CIZ1: variants seen among roughly 807,000 people sequenced by gnomAD.
CIZ1 encodes the protein cip1-interacting zinc finger protein.
A neutral mutation model predicts 118.6 loss-of-function variants in CIZ1; 58 were observed. The ratio of observed to expected loss-of-function variants is 0.49; its 90% CI spans 0.40 to 0.61. CIZ1 has a LOEUF of 0.61. Among genes scored for constraint, CIZ1 ranks in the 20% least tolerant of loss-of-function variants. The probability of loss-of-function intolerance (pLI) is 0.00; values close to 1 mark genes in which losing one functional copy is unlikely to be tolerated. For synonymous variants in CIZ1, 448 were observed against 443.4 expected (o/e 1.01, Z -0.13); for missense variants, 921 against 1,115.9 (o/e 0.83, Z 2.49).
At chr9:128,192,800 C>T (rs1833251803), upstream of CIZ1, among the ~76,000 whole-genome samples, 2 of 152,380 alleles carry the variant, frequency 1.3e-5, no homozygotes, top group South Asian at 4.1e-4. Flanking sequence ...GCCTTGGCCT[C>T]CCAAAGTGCT....
rs901423796 is a variant in CIZ1, at chr9:128,203,952, C to T, written c.-6+234G>A. The T allele has an allele frequency of 1.7e-5, 3 of 178,754 alleles. No homozygotes were observed. Among genetic ancestry groups the T allele is most frequent in the Non-Finnish European group, 3.5e-5 (3 of 86,220 alleles). 11.1% of individuals were successfully genotyped at this position (178,754 alleles called of 1,614,324 possible). On this transcript the variant is annotated intron_variant, in intron 1 of 17. Coordinates refer to the CIZ1 transcript ENST00000372948. This position sits in a 1 kb window ranked among gnomAD's most constrained non-coding sequence, Gnocchi z 5.3. ...AGCTGCCCCCCGCCCCCAACATGGG[C>T]ATGGAGAGAGCCCGCATTACTCAGC...
chr9:128,194,234 C>T (rs772850367), upstream of CIZ1, among the ~76,000 whole-genome samples: 16 of 151,502 alleles, frequency 1.1e-4, no homozygotes, highest in South Asian at 2.1e-4. Flanking sequence ...TGGTGGCAGA[C>T]GCCTGTCATC....
chr9:128,186,265 C>T (rs1832359241), intron 4 of CIZ1, among the ~76,000 whole-genome samples: 1 of 152,104 alleles, frequency 6.6e-6, no homozygotes, highest in Non-Finnish European at 1.5e-5. Flanking sequence ...GGTGTTATCT[C>T]TACCGATGAC....
At chr9:128,186,646 AT>A (rs1475243377) in intron 4 of CIZ1, among the ~76,000 whole-genome samples, 27 of 152,136 alleles carry the variant, frequency 1.8e-4, no homozygotes, top group Non-Finnish European at 1.5e-5. Flanking sequence ...AGCAAAGGCC[AT>A]TCCTCACTGC....
chr9:128,188,162 T>C (rs1164018775), intron 3 of CIZ1, among the ~76,000 whole-genome samples: 1 of 113,326 alleles, frequency 8.8e-6, no homozygotes, highest in Non-Finnish European at 1.9e-5. Context: ...AAGGTTTAGA[T>C]AAACAAAGGC....
At chr9:128,190,008 G>A (rs1832931856) in intron 3 of CIZ1, among the ~76,000 whole-genome samples, 1 of 152,144 alleles carries the variant, frequency 6.6e-6, no homozygotes, top group Non-Finnish European at 1.5e-5. Flanking sequence ...AGCCACTGCT[G>A]ATGCAGGGCA....
chr9:128,188,947 C>T (rs1310833123), intron 3 of CIZ1, among the ~76,000 whole-genome samples: 1 of 152,106 alleles, frequency 6.6e-6, no homozygotes, highest in African/African-American at 2.4e-5. Context: ...TACAGGTGCA[C>T]ACCATCACAC....
chr9:128,178,956 C>T lies in CIZ1; in HGVS notation c.1251G>A (p.Arg417=). The change falls in exon 8 of 17, where the codon AGG becomes AGA. Residue 417 remains arginine (R), a synonymous_variant. Transcript: ENST00000372938. Reference sequence around the variant, plus strand: ...GCTTCTGCAGCTGCAGCTGCACCTGCCTTGGGGGCTGTGAATGTGCCTGGG... The same window carrying T: ...GCTTCTGCAGCTGCAGCTGCACCTGTCTTGGGGGCTGTGAATGTGCCTGGG... ...VQPQAHSQPP[R]QVQLQLQKQV... is the part of the protein sequence containing the mutation. The T allele has an allele frequency of 6.2e-7, 1 of 1,613,546 alleles. No individual in the cohort carries two copies. The highest frequency in any genetic ancestry group is 8.5e-7 in the Non-Finnish European group (1 of 1,179,936).
intron 5 of CIZ1, among the ~76,000 whole-genome samples, chr9:128,181,735 A>G (rs1297346040): frequency 6.8e-6 from 1 of 146,762 alleles, no homozygotes; most frequent in Non-Finnish European, 1.5e-5. Context: ...TCAAGGAACA[A>G]CACCCGCTAC....
upstream of CIZ1, among the ~76,000 whole-genome samples, chr9:128,196,589 G>T (rs920205100): frequency 1.3e-5 from 2 of 151,056 alleles, no homozygotes; most frequent in African/African-American, 4.9e-5. Context: ...AGAAAAGAAT[G>T]AGGTGAATGT....
chr9:128,169,697 G>T (rs1409612017), intron 12 of CIZ1, 178 bp from the exon 13 acceptor site: 23 of 1,536,344 alleles, frequency 1.5e-5, no homozygotes, highest in Non-Finnish European at 2.0e-5. Context: ...CGTGGTGTGG[G>T]TGGCTGAGAG....
At chr9:128,171,565 A>G (rs1028902830) in intron 11 of CIZ1, among the ~76,000 whole-genome samples, 1 of 147,296 alleles carries the variant, frequency 6.8e-6, no homozygotes, top group Non-Finnish European at 1.5e-5. Context: ...ATCTCTACTA[A>G]GAATACAAAA....
At chr9:128,191,914 G>T, upstream of CIZ1, 1 of 1,437,918 alleles carries the variant, frequency 7.0e-7, no homozygotes, top group Non-Finnish European at 9.1e-7. The surrounding 1 kb of genome is among the most constrained non-coding windows in gnomAD (Gnocchi z 5.5). Flanking sequence ...GCGGTGAGAG[G>T]GGGCGCGCAG....
chr9:128,173,874 T>C (rs543310698), intron 11 of CIZ1, among the ~76,000 whole-genome samples: 95 of 151,880 alleles, frequency 6.3e-4, no homozygotes, highest in East Asian at 1.8e-3. Flanking sequence ...GGCCTAGTGG[T>C]AGGCGCCTGT....
At chr9:128,173,842 TA>T (rs1454150914) in intron 11 of CIZ1, among the ~76,000 whole-genome samples, 1 of 151,688 alleles carries the variant, frequency 6.6e-6, no homozygotes, top group East Asian at 2.0e-4. Flanking sequence ...CTGTCTCTAC[TA>T]AAAATACAAA....
At chr9:128,199,248 A>G (rs950677059) in intron 1 of CIZ1, among the ~76,000 whole-genome samples, 14 of 151,924 alleles carry the variant, frequency 9.2e-5, no homozygotes, top group African/African-American at 3.1e-4. Context: ...GGCACCTGTA[A>G]TCCCAGCTAC....
intron 14 of CIZ1, chr9:128,167,365 A>C: frequency 1.8e-6 from 1 of 547,132 alleles, no homozygotes; most frequent in South Asian, 2.5e-5. Context: ...TACTTTCTAG[A>C]CTCTGTTCAA....
rs2130908019 is a variant in CIZ1, at chr9:128,170,056, C to T, written c.1995G>A (p.Gly665=). Residue 665 remains glycine (G), a synonymous_variant, in exon 12 of 17, where the codon GGG becomes GGA. Coordinates refer to ENST00000372938, the MANE Select transcript of CIZ1 (RefSeq NM_001131016.2). ...WCNTCQLYYM[G]DLIQHRRTQD... The stretch of plus-strand genomic sequence containing the variant: ...GTGTCCTGCGGTGTTGGATCAGGTC[C>T]CCCATGTAGTAGAGCTGGCAGGTGT... The T allele has an allele frequency of 4.3e-6, 7 of 1,614,002 alleles. No individual in the cohort carries two copies. The highest frequency in any genetic ancestry group is 5.9e-6 in the Non-Finnish European group (7 of 1,179,986).
At position 128,166,324 on chromosome 9, in the gene CIZ1, GT is replaced by G. The variant is rs1829409845; in HGVS notation, c.2569del (p.Thr857GlnfsTer24). On this transcript the variant is annotated frameshift_variant, in exon 17 of 17. Coordinates refer to ENST00000372938, the MANE Select transcript of CIZ1 (RefSeq NM_001131016.2). LOFTEE classifies it high-confidence loss of function. The surrounding 1 kb of genome is among the most constrained non-coding windows in gnomAD (Gnocchi z 4.4). ...RCAINARNAL[T>X]ALFTSSGRPP... Reference sequence around the variant, plus strand: ...GCGGCCGCTGGAGGTGAACAGGGCTGTCAAAGCGTTCCGGGCGTTGATTGCG... The same window carrying G: ...GCGGCCGCTGGAGGTGAACAGGGCTGCAAAGCGTTCCGGGCGTTGATTGCG... The G allele has an allele frequency of 1.3e-6, 2 of 1,568,120 alleles. No individual in the cohort carries two copies. Among genetic ancestry groups the G allele is most frequent in the Non-Finnish European group, 1.7e-6 (2 of 1,156,072 alleles).
Sources: gnomAD v4.1 joint callset for allele counts (sites outside exome capture counted in the v4.1 genomes callset) on GRCh38, gnomAD v4.1.1 for gene constraint, Gnocchi (gnomAD v3.1) non-coding constraint, MANE v1.5 for transcripts, NCBI Gene and HGNC (gene_info 2026-07-23, HGNC 2026-07-21) for gene names.